The following SLK variants were observed in gnomAD, a reference collection of about 807,000 sequenced individuals.
The protein encoded by SLK is STE20-like serine/threonine-protein kinase.
A neutral mutation model predicts 147.7 loss-of-function variants in SLK; 67 were observed. The observed-to-expected ratio is 0.45, with a 90% CI of 0.37 to 0.56. The LOEUF (loss-of-function observed/expected upper bound fraction) is 0.56, where lower values mean the gene tolerates loss of function less well. Among genes scored for constraint, SLK ranks in the 20% least tolerant of loss-of-function variants. SLK has a pLI of 0.00. For missense variants in SLK, 1,136 were observed against 1,438.8 expected (o/e 0.79, Z 3.41); for synonymous variants, 441 against 475.0 (o/e 0.93, Z 0.93).
At chr10:103,981,426 A>T (rs538513764) in intron 1 of SLK, among the ~76,000 whole-genome samples, 2 of 152,238 alleles carry the variant, frequency 1.3e-5, no homozygotes, top group East Asian at 3.9e-4. Flanking sequence ...CAAGTCCAGT[A>T]TCATAAAGCT....
intron 1 of SLK, among the ~76,000 whole-genome samples, chr10:103,970,836 CT>C (rs991712371): frequency 3.3e-5 from 5 of 152,134 alleles, no homozygotes; most frequent in African/African-American, 1.2e-4. Flanking sequence ...TTCCCAAATG[CT>C]TGGGACCAGA....
In SLK at chr10:104,019,930, T is replaced by C. The variant is rs945316574; in HGVS notation, c.3321+8T>C. On this transcript the variant is annotated splice_region_variant and intron_variant, in intron 16 of 18. Coordinates refer to ENST00000369755, the MANE Select transcript of SLK (RefSeq NM_014720.4). Reference sequence around the variant, plus strand: ...CGTGATAAAATTAAACAGGTAAATATGCAAGTTAGTCTCTTCTCTTTTAGG... The same window carrying C: ...CGTGATAAAATTAAACAGGTAAATACGCAAGTTAGTCTCTTCTCTTTTAGG... 6.9e-6 allele frequency: 11 copies of C among 1,601,422 alleles called. No individual in the cohort carries two copies. In the African/African-American group the frequency reaches 1.5e-4, roughly 22 times the overall value.
Position 104,003,274 on chromosome 10 carries a change from T to G in SLK, c.2096T>G (p.Val699Gly). The change falls in exon 9 of 19, where the codon GTT becomes GGT. Residue 699 changes from valine to glycine, a missense_variant. Val to Gly is a moderately radical substitution (Grantham distance 109). Around this residue, in one of 6 missense-constraint regions of SLK, gnomAD observed 516 missense variants for 531.3 expected, o/e 0.97. Coordinates refer to ENST00000369755, the MANE Select transcript of SLK (RefSeq NM_014720.4). Reference protein sequence around the residue: ...SIKKEPEVTVVSQPTEPQPVL... With the variant: ...SIKKEPEVTVGSQPTEPQPVL... ...AAAAAAGAGCCTGAAGTTACTGTAG[T>G]TTCACAGCCCACTGAACCTCAGCCT... is the stretch of plus-strand genomic sequence containing the variant. 1 of 1,613,908 alleles carries G rather than the reference T, an allele frequency of 6.2e-7. No individual in the cohort carries two copies. Among genetic ancestry groups the G allele is most frequent in the Non-Finnish European group, 8.5e-7 (1 of 1,179,950 alleles).
At chr10:104,011,086 T>G (rs1844393952) in intron 13 of SLK, among the ~76,000 whole-genome samples, 178 bp downstream of exon 13, 1 of 152,220 alleles carries the variant, frequency 6.6e-6, no homozygotes, top group Non-Finnish European at 1.5e-5. Context: ...ATGGTGACAT[T>G]TAAGTTGCTA....
chr10:104,008,383 A>T, intron 12 of SLK, 27 bp downstream of exon 12: 2 of 1,519,710 alleles, frequency 1.3e-6, no homozygotes, highest in Non-Finnish European at 1.8e-6. Context: ...GTTTTTAATT[A>T]CTAAAGCTTT....
chr10:103,987,005 T>C (rs1185844680), intron 1 of SLK, among the ~76,000 whole-genome samples: 1 of 152,192 alleles, frequency 6.6e-6, no homozygotes, highest in African/African-American at 2.4e-5. Flanking sequence ...CCTTTAGATA[T>C]TAGGTAGATA....
chr10:103,968,208 G>A (rs917508172), intron 1 of SLK, among the ~76,000 whole-genome samples: 1 of 152,214 alleles, frequency 6.6e-6, no homozygotes, highest in Non-Finnish European at 1.5e-5. Flanking sequence ...TGCCCTTCAA[G>A]TATTTTAGAA....
At chr10:103,981,281 C>T (rs903742726) in intron 1 of SLK, among the ~76,000 whole-genome samples, 15 of 151,832 alleles carry the variant, frequency 9.9e-5, no homozygotes, top group African/African-American at 3.6e-4. Flanking sequence ...TAAATATTTT[C>T]TGTCACTTTA....
chr10:103,987,327 TA>T (rs1319659748), intron 1 of SLK, among the ~76,000 whole-genome samples: 1 of 152,186 alleles, frequency 6.6e-6, no homozygotes, highest in Non-Finnish European at 1.5e-5. Flanking sequence ...TTCACAAGTA[TA>T]AAAGATACAT....
chr10:104,021,783 A>G (rs1217845737), intron 18 of SLK, 50 bp downstream of exon 18: 6 of 966,918 alleles, frequency 6.2e-6, no homozygotes, highest in Non-Finnish European at 9.7e-6. Flanking sequence ...TCGTCCGTCT[A>G]CCCAGCTATT....
At chr10:103,969,610 T>G (rs1843766710) in intron 1 of SLK, among the ~76,000 whole-genome samples, 1 of 152,182 alleles carries the variant, frequency 6.6e-6, no homozygotes, top group African/African-American at 2.4e-5. Context: ...CTGTGGAAGT[T>G]GGCAAAATAA....
At position 104,018,249 on chromosome 10, in the gene SLK, TG is replaced by T; in HGVS notation, c.2968del (p.Glu990ArgfsTer5). On this transcript the variant is annotated frameshift_variant, in exon 14 of 19. Coordinates refer to ENST00000369755, the MANE Select transcript of SLK (RefSeq NM_014720.4). LOFTEE classifies it high-confidence loss of function. Reference protein sequence around the residue: ...QQQKAELANIERECLNNKQQL... With the variant: ...QQQKAELANIXRECLNNKQQL... ...AGCAGAAGGCAGAGTTAGCTAATAT[TG>T]AGAGAGAGTGCCTGAATAACAAGCA... is the stretch of plus-strand genomic sequence containing the variant. 6.3e-7 allele frequency: 1 copy of T among 1,597,140 alleles called. No homozygotes were observed. Among genetic ancestry groups the T allele is most frequent in the Non-Finnish European group, 8.5e-7 (1 of 1,176,034 alleles).
chr10:104,012,218 A>T (rs548100135), intron 13 of SLK, among the ~76,000 whole-genome samples: 1 of 152,300 alleles, frequency 6.6e-6, no homozygotes, highest in African/African-American at 2.4e-5. Flanking sequence ...TTTTTTTTTA[A>T]ATTTTGCTAA....
At chr10:103,994,494 C>T (rs1844140362) in intron 4 of SLK, among the ~76,000 whole-genome samples, 1 of 152,128 alleles carries the variant, frequency 6.6e-6, no homozygotes, top group African/African-American at 2.4e-5. Flanking sequence ...AGGCCTTCCC[C>T]CATTCCTTTC....
At chr10:103,985,598 T>G (rs1844002365) in intron 1 of SLK, among the ~76,000 whole-genome samples, 1 of 152,216 alleles carries the variant, frequency 6.6e-6, no homozygotes, top group Admixed American at 6.5e-5. Context: ...TGTATTTATC[T>G]TACATATTTT....
intron 11 of SLK, among the ~76,000 whole-genome samples, chr10:104,006,631 G>A (rs1006874187): frequency 7.2e-5 from 11 of 152,140 alleles, no homozygotes; most frequent in Non-Finnish European, 1.5e-4. Flanking sequence ...TAAAATTTTT[G>A]TAATTTATGT....
At chr10:103,983,808 C>T (rs1843977338) in intron 1 of SLK, among the ~76,000 whole-genome samples, 1 of 152,098 alleles carries the variant, frequency 6.6e-6, no homozygotes, top group Non-Finnish European at 1.5e-5. Flanking sequence ...GTACCCTGTT[C>T]CTCAAAAGTT....
intron 9 of SLK, 82 bp from the exon 10 acceptor site, chr10:104,005,479 A>T: frequency 7.7e-7 from 1 of 1,295,104 alleles, no homozygotes. Context: ...TAAAAAAGAA[A>T]GAAATGTTTA....
chr10:104,012,030 A>C (rs1253092047), intron 13 of SLK, among the ~76,000 whole-genome samples: 1 of 152,206 alleles, frequency 6.6e-6, no homozygotes, highest in Non-Finnish European at 1.5e-5. Context: ...AAGTCAGTGA[A>C]AGGAAGAAGA....
Sources: gnomAD v4.1 joint callset for allele counts (sites outside exome capture counted in the v4.1 genomes callset) on GRCh38, gnomAD v4.1.1 for gene constraint, gnomAD v4.1.1 regional missense constraint, MANE v1.5 for transcripts, NCBI Gene and HGNC (gene_info 2026-07-23, HGNC 2026-07-21) for gene names.